PTCHD4: variants seen among roughly 807,000 people sequenced by gnomAD.
The protein encoded by PTCHD4 is patched domain containing 4, also known as patched domain-containing protein 4.
In PTCHD4, 33 loss-of-function variants were observed where a neutral mutation model predicts 58.1. The observed-to-expected ratio is 0.57, with a 90% CI of 0.43 to 0.76. The LOEUF is 0.76. Among genes scored for constraint, PTCHD4 ranks in the 30% least tolerant of loss-of-function variants. The pLI, the probability that PTCHD4 is intolerant of heterozygous loss-of-function variation, is 0.00. For missense variants in PTCHD4, 1,058 were observed against 1,027.1 expected (o/e 1.03, Z -0.41); for synonymous variants, 478 against 409.6 (o/e 1.17, Z -2.02).
At chr6:48,076,969 A>G (rs1242742527) in intron 1 of PTCHD4, among the ~76,000 whole-genome samples, 2 of 152,184 alleles carry the variant, frequency 1.3e-5, no homozygotes, top group Admixed American at 6.5e-5. Context: ...TAGGTTTTCA[A>G]TTTTGTCTGA....
At chr6:48,046,686 A>AATAAT (rs1344761560) in intron 3 of PTCHD4, among the ~76,000 whole-genome samples, 2 of 151,846 alleles carry the variant, frequency 1.3e-5, no homozygotes, top group East Asian at 3.9e-4. Context: ...CAGTTTGTTT[A>AATAAT]ATAATACATA....
intron 3 of PTCHD4, among the ~76,000 whole-genome samples, chr6:48,025,432 A>G (rs1167674947): frequency 3.3e-5 from 5 of 152,200 alleles, no homozygotes; most frequent in African/African-American, 1.2e-4. Flanking sequence ...TGTTCTTAAA[A>G]ACATTGCCTG....
At chr6:47,984,327 G>T (rs548824582) in intron 4 of PTCHD4, among the ~76,000 whole-genome samples, 1 of 152,090 alleles carries the variant, frequency 6.6e-6, no homozygotes, top group African/African-American at 2.4e-5. Context: ...AGAAGGGGAA[G>T]CAGGCACATC....
chr6:48,079,970 A>ATTTTTTTTTTTTTTT (rs141629864), intron 1 of PTCHD4, among the ~76,000 whole-genome samples: 2 of 76,146 alleles, frequency 2.6e-5, no homozygotes, highest in African/African-American at 9.5e-5. Flanking sequence ...CCTTATGATG[A>ATTTTTTTTTTTTTTT]TTTTTTTTTT....
In PTCHD4 at chr6:47,899,452, G is replaced by A. The variant is rs1176234422; in HGVS notation, c.899-19516C>T. 3.3e-5 allele frequency among the ~76,000 whole-genome samples: 5 copies of A among 152,320 alleles called. No homozygotes were observed. In the South Asian group the frequency reaches 8.3e-4, roughly 25 times the overall value. On this transcript the variant is annotated intron_variant, in intron 4 of 4. Transcript: ENST00000339488. ...TTGTGCTCCATAACATAGGTGGAAT[G>A]TTGTATAGCTGTTGAAGATTCTTGA...
intron 3 of PTCHD4, among the ~76,000 whole-genome samples, chr6:48,058,361 A>C (rs1313345555): frequency 1.3e-5 from 2 of 152,258 alleles, no homozygotes; most frequent in Non-Finnish European, 2.9e-5. Flanking sequence ...CTGCTGTAGA[A>C]TGATTATGGT....
In PTCHD4 at chr6:47,877,875, T is replaced by G. The variant is rs1398293754; in HGVS notation, c.*428A>C. On this transcript the variant is annotated 3_prime_UTR_variant, in exon 5 of 5. Transcript: ENST00000339488. ...TACTTCCCAAGTGCATAGGTTTCCT[T>G]TGACCAACCTGTTCAAAAAACAAGC... Among the ~76,000 whole-genome samples the G allele has an allele frequency of 2.0e-5, 3 of 152,074 alleles. No individual in the cohort carries two copies.
intron 1 of PTCHD4, among the ~76,000 whole-genome samples, chr6:48,097,302 G>A (rs1765493805): frequency 6.6e-6 from 1 of 152,084 alleles, no homozygotes; most frequent in African/African-American, 2.4e-5. Context: ...AATTCATCTT[G>A]TATATGACAG....
intron 4 of PTCHD4, among the ~76,000 whole-genome samples, chr6:47,928,187 T>TA: frequency 6.6e-6 from 1 of 152,308 alleles, no homozygotes; most frequent in South Asian, 2.1e-4. Flanking sequence ...GGCTCAGTTT[T>TA]AAAAAATTGC....
rs537505207 is a variant in PTCHD4, at chr6:47,911,335, C to A, written c.899-31399G>T. 5.3e-5 allele frequency among the ~76,000 whole-genome samples: 8 copies of A among 152,242 alleles called. No homozygotes were observed. The South Asian group carries it at 6.2e-4, about 12-fold the overall frequency. ...ACTATGTAAACCTACCACTCCCCAC[C>A]CAAGGGCAGCTCTTGGGCTCTGGTG... On this transcript the variant is annotated intron_variant, in intron 4 of 4. Coordinates refer to ENST00000339488, the MANE Select transcript of PTCHD4 (RefSeq NM_001384253.1).
At position 47,868,479 on chromosome 6, in the gene PTCHD4, T is replaced by C. The variant is rs1336785156; in HGVS notation, c.*9824A>G. Among the ~76,000 whole-genome samples, 1 of 151,782 alleles carries C rather than the reference T, an allele frequency of 6.6e-6. No individual in the cohort carries two copies. Among genetic ancestry groups the C allele is most frequent in the Non-Finnish European group, 1.5e-5 (1 of 67,814 alleles). On this transcript the variant is annotated 3_prime_UTR_variant, in exon 5 of 5. Transcript: ENST00000339488. The stretch of plus-strand genomic sequence containing the variant: ...AAATAACCTCCTTTTCATTAGGTCA[T>C]GAGCAGGCAACTGATAAGCTGGAGA...
At chr6:48,095,562 T>C (rs9473237) in intron 1 of PTCHD4, among the ~76,000 whole-genome samples, 23,984 of 150,696 alleles carry the variant, frequency 0.16, 1,960 homozygotes, top group African/African-American at 0.21. Flanking sequence ...TGGCGGGGGG[T>C]GACTGTAGTC....
At chr6:47,949,834 T>A (rs1465527062) in intron 4 of PTCHD4, among the ~76,000 whole-genome samples, 1 of 152,088 alleles carries the variant, frequency 6.6e-6, no homozygotes, top group African/African-American at 2.4e-5. Flanking sequence ...TTCTTTCCTT[T>A]AGAGGTGCTA....
At position 47,859,468 on chromosome 6, in the gene PTCHD4, A is replaced by T. The variant is rs1484268110; in HGVS notation, c.*18835T>A. Among the ~76,000 whole-genome samples the T allele has an allele frequency of 6.6e-6, 1 of 151,942 alleles. No homozygotes were observed. Among genetic ancestry groups the T allele is most frequent in the Admixed American group, 6.6e-5 (1 of 15,214 alleles). ...TTAAAATGACTTACTAGATAATGAG[A>T]TACATCTAATATATTTGCAACTGAA... On this transcript the variant is annotated 3_prime_UTR_variant, in exon 5 of 5. Coordinates refer to ENST00000339488, the MANE Select transcript of PTCHD4 (RefSeq NM_001384253.1).
chr6:48,104,802 C>T (rs931044237), intron 1 of PTCHD4, among the ~76,000 whole-genome samples: 5 of 152,062 alleles, frequency 3.3e-5, no homozygotes, highest in Non-Finnish European at 5.9e-5. Flanking sequence ...GGTTGCAATC[C>T]TAGTCTCGGA....
At chr6:47,884,703 G>GT (rs1383348100) in intron 4 of PTCHD4, among the ~76,000 whole-genome samples, 7 of 152,156 alleles carry the variant, frequency 4.6e-5, no homozygotes, top group African/African-American at 1.7e-4. Flanking sequence ...CTCCATTCAA[G>GT]TTCTGGACTT....
Position 47,867,878 on chromosome 6 carries a change from G to A in PTCHD4, c.*10425C>T, listed in dbSNP as rs1464418896. Among the ~76,000 whole-genome samples the A allele has an allele frequency of 1.3e-5, 2 of 151,690 alleles. No homozygotes were observed. Among genetic ancestry groups the A allele is most frequent in the Non-Finnish European group, 2.9e-5 (2 of 67,798 alleles). ...TGAGCCTAGCACAGAGACCAATATAGGTGCTCCTAAATATGAGGTAAGTAA... is the reference window on the plus strand; with the variant it reads ...TGAGCCTAGCACAGAGACCAATATAAGTGCTCCTAAATATGAGGTAAGTAA... On this transcript the variant is annotated 3_prime_UTR_variant, in exon 5 of 5. Coordinates refer to ENST00000339488, the MANE Select transcript of PTCHD4 (RefSeq NM_001384253.1).
intron 4 of PTCHD4, among the ~76,000 whole-genome samples, chr6:47,909,316 T>C (rs955402880): frequency 6.6e-6 from 1 of 152,274 alleles, no homozygotes; most frequent in Non-Finnish European, 1.5e-5. Context: ...TATGATATGA[T>C]GTAGATTAGT....
Position 47,890,967 on chromosome 6 carries a change from G to T in PTCHD4, c.899-11031C>A, listed in dbSNP as rs559446317. On this transcript the variant is annotated intron_variant, in intron 4 of 4. Transcript: ENST00000339488. ...TCACACCTGTAATCCCAGCACTTTG[G>T]GGGGCTGAGGCTGGTGGATCACTTG... The T allele has an allele frequency of 1.2e-4, 95 of 794,910 alleles. No individual in the cohort carries two copies. In the African/African-American group the frequency reaches 1.3e-3, roughly 11 times the overall value. 49.2% of individuals were successfully genotyped at this position (794,910 alleles called of 1,614,324 possible).
Sources: allele counts gnomAD v4.1 joint callset (sites outside exome capture counted in the v4.1 genomes callset), GRCh38; gene constraint gnomAD v4.1.1; transcripts MANE v1.5; gene names NCBI Gene and HGNC (gene_info 2026-07-23, HGNC 2026-07-21).